Variants in SULT1C3 observed in about 807,000 individuals in gnomAD.
The protein encoded by SULT1C3 is sulfotransferase family 1C member 3.
Under a neutral mutation model 28.4 loss-of-function variants are expected in SULT1C3, and 31 were observed. The ratio of observed to expected loss-of-function variants is 1.09; its 90% CI spans 0.82 to 1.47. SULT1C3 has a LOEUF of 1.47. Among genes scored for constraint, SULT1C3 ranks in the 40% most tolerant of loss-of-function variants. SULT1C3 has a pLI of 0.00. For missense variants in SULT1C3, 307 were observed against 272.5 expected, an observed-to-expected ratio of 1.13 and a Z score of -0.89; for synonymous variants, 106 against 92.2, an observed-to-expected ratio of 1.15 and a Z score of -0.86.
At chr2:108,248,629 C>T (rs1022265028) in intron 2 of SULT1C3, among the ~76,000 whole-genome samples, 4 of 152,024 alleles carry the variant, frequency 2.6e-5, no homozygotes, top group African/African-American at 7.2e-5. Flanking sequence ...TCCATAGAGC[C>T]TATAGCTCCA....
Position 108,247,279 on chromosome 2 carries a change from T to C in SULT1C3, c.85T>C (p.Leu29=), listed in dbSNP as rs767722441. The C allele has an allele frequency of 6.3e-6, 10 of 1,597,854 alleles. No homozygotes were observed. In the African/African-American group the frequency reaches 8.1e-5, roughly 13 times the overall value. The change falls in exon 2 of 8, where the codon TTG becomes CTG. Residue 29 remains leucine (L), a synonymous_variant. Transcript: ENST00000681802. ...CATGGAAGTAGATGGAGTCCCTACG[T>C]TGATATTATCAAAAGAATGGTGGGA... ...NIMEVDGVPT[L]ILSKEWWEKV...
chr2:108,246,111 G>A (rs1675570447), intron 1 of SULT1C3, among the ~76,000 whole-genome samples: 1 of 152,092 alleles, frequency 6.6e-6, no homozygotes, highest in Non-Finnish European at 1.5e-5. Context: ...CTCCATCTGA[G>A]ACCACAGTAG....
chr2:108,262,351 T>C (rs1676042592), downstream of SULT1C3, among the ~76,000 whole-genome samples: 1 of 152,144 alleles, frequency 6.6e-6, no homozygotes, highest in South Asian at 2.1e-4. Flanking sequence ...TACTCAGAAA[T>C]GATTTTCTAC....
downstream of SULT1C3, among the ~76,000 whole-genome samples, chr2:108,262,598 G>A (rs1402857065): frequency 2.0e-5 from 3 of 152,194 alleles, no homozygotes; most frequent in Non-Finnish European, 4.4e-5. Context: ...GTTTGAGAAT[G>A]CCTTGATGAA....
chr2:108,262,673 A>T (rs1227653795), downstream of SULT1C3, among the ~76,000 whole-genome samples: 1 of 152,214 alleles, frequency 6.6e-6, no homozygotes, highest in Non-Finnish European at 1.5e-5. Flanking sequence ...ACTGCTCTTC[A>T]TCTTCTAGAG....
intron 2 of SULT1C3, among the ~76,000 whole-genome samples, chr2:108,247,833 G>C (rs765186835): frequency 6.6e-6 from 1 of 152,134 alleles, no homozygotes; most frequent in African/African-American, 2.4e-5. Flanking sequence ...GTCTCATTCA[G>C]AAAAGCCCAA....
intron 4 of SULT1C3, among the ~76,000 whole-genome samples, chr2:108,254,539 C>G (rs1444593372): frequency 6.6e-6 from 1 of 151,898 alleles, no homozygotes; most frequent in African/African-American, 2.4e-5. Flanking sequence ...TCCTGACAGG[C>G]AGGGACTTGA....
At chr2:108,243,367 C>G (rs566188091) in intron 1 of SULT1C3, among the ~76,000 whole-genome samples, 7 of 152,110 alleles carry the variant, frequency 4.6e-5, no homozygotes, top group Non-Finnish European at 7.4e-5. Flanking sequence ...CGCGGTGGCT[C>G]ACACCTGTAA....
Position 108,252,462 on chromosome 2 carries a change from T to C in SULT1C3, c.270T>C (p.Leu90=), listed in dbSNP as rs1286883932. 1 of 1,612,422 alleles carries C rather than the reference T, an allele frequency of 6.2e-7. No homozygotes were observed. Among genetic ancestry groups the C allele is most frequent in the Non-Finnish European group, 8.5e-7 (1 of 1,179,060 alleles). ...AGACTCTAGATAGACACGCTTTCCT[T>C]GAACTGAAATTTCCCCATAAAGAAA... ...RAQTLDRHAF[L]ELKFPHKEKP... Residue 90 remains leucine (L), a synonymous_variant, in exon 3 of 8, where the codon CTT becomes CTC. Coordinates refer to ENST00000681802, the MANE Select transcript of SULT1C3 (RefSeq NM_001320878.2).
chr2:108,249,830 C>T (rs1335123348), intron 2 of SULT1C3, among the ~76,000 whole-genome samples: 1 of 152,020 alleles, frequency 6.6e-6, no homozygotes, highest in Non-Finnish European at 1.5e-5. Context: ...TGACATTTAA[C>T]TCAGCTTCAA....
chr2:108,265,041 A>G (rs373960310), downstream of SULT1C3: 45 of 1,573,234 alleles, frequency 2.9e-5, no homozygotes, highest in African/African-American at 5.3e-4. Flanking sequence ...GTCAAATGGA[A>G]CTCTGTGGTC....
In SULT1C3 at chr2:108,240,838, C is replaced by A. The variant is rs138076446; in HGVS notation, c.-8+755C>A. Among the ~76,000 whole-genome samples the A allele has an allele frequency of 5.8e-3, 886 of 152,278 alleles. 4 individuals carry two copies. The highest frequency in any genetic ancestry group is 0.01 in the Non-Finnish European group (690 of 68,022). On this transcript the variant is annotated intron_variant, in intron 1 of 7. Transcript: ENST00000681802. ...TTGGTAAAAACAAATTATGATAAGACCATGTGTGCTGTGGGTAGAATACAC... is the reference window on the plus strand; with the variant it reads ...TTGGTAAAAACAAATTATGATAAGAACATGTGTGCTGTGGGTAGAATACAC...
intron 1 of SULT1C3, 82 bp from the exon 2 acceptor site, chr2:108,247,106 G>A: frequency 9.5e-7 from 1 of 1,052,304 alleles, no homozygotes; most frequent in Non-Finnish European, 1.3e-6. Flanking sequence ...CTAATCAAAG[G>A]CAGTAAGATG....
intron 4 of SULT1C3, among the ~76,000 whole-genome samples, chr2:108,254,821 A>ATATATACACATATATATGTGTG (rs1168153507): frequency 6.5e-4 from 82 of 126,286 alleles, no homozygotes; most frequent in African/African-American, 2.8e-3. Context: ...ATATATGTGT[A>ATATATACACATATATATGTGTG]TATATACACA....
intron 2 of SULT1C3, among the ~76,000 whole-genome samples, chr2:108,249,046 C>A (rs1349950904): frequency 6.6e-6 from 1 of 152,110 alleles, no homozygotes; most frequent in African/African-American, 2.4e-5. Context: ...CAGCCACAAG[C>A]AACTGAATTC....
At chr2:108,264,954 A>T, downstream of SULT1C3, 1 of 1,613,774 alleles carries the variant, frequency 6.2e-7, no homozygotes, top group Non-Finnish European at 8.5e-7. Flanking sequence ...CAACTATACC[A>T]CTTTGCCCAC....
At chr2:108,247,938 G>A (rs75453255) in intron 2 of SULT1C3, among the ~76,000 whole-genome samples, 9,242 of 152,094 alleles carry the variant, frequency 0.061, 301 homozygotes, top group African/African-American at 0.07. Flanking sequence ...CACACCTAAT[G>A]CCCAGAACTC....
chr2:108,254,563 G>A (rs1023071823), intron 4 of SULT1C3, among the ~76,000 whole-genome samples: 3 of 151,800 alleles, frequency 2.0e-5, no homozygotes, highest in African/African-American at 7.3e-5. Flanking sequence ...TGCCCAATTT[G>A]TCAAGGTAAA....
At chr2:108,247,449 G>A (rs1675616441) in intron 2 of SULT1C3, 83 bp downstream of exon 2, 8 of 1,269,798 alleles carry the variant, frequency 6.3e-6, no homozygotes, top group Non-Finnish European at 8.4e-6. Flanking sequence ...AAGCATGATT[G>A]GGATTTGGAG....
Sources: gnomAD v4.1 joint callset for allele counts (sites outside exome capture counted in the v4.1 genomes callset) on GRCh38, gnomAD v4.1.1 for gene constraint, MANE v1.5 for transcripts, NCBI Gene and HGNC (gene_info 2026-07-23, HGNC 2026-07-21) for gene names.